The following FAM193A variants were observed in gnomAD, a reference collection of about 807,000 sequenced individuals.
The protein encoded by FAM193A is family with sequence similarity 193 member A, also known as protein FAM193A.
A neutral mutation model predicts 126.5 loss-of-function variants in FAM193A; 22 were observed. That is an observed-to-expected ratio of 0.17 (90% confidence interval 0.12 to 0.25). The LOEUF is 0.25. Ranked by LOEUF, FAM193A falls within the 10% of genes least tolerant of loss-of-function variation. The pLI, the probability that FAM193A is intolerant of heterozygous loss-of-function variation, is 1.00. For missense variants in FAM193A, 1,675 were observed against 1,672.8 expected (o/e 1.00, Z -0.02); for synonymous variants, 761 against 646.8 (o/e 1.18, Z -2.68).
chr4:2,540,670 G>C (rs1316290397), intron 1 of FAM193A, among the ~76,000 whole-genome samples: 2 of 151,044 alleles, frequency 1.3e-5, no homozygotes, highest in Admixed American at 6.6e-5. Flanking sequence ...GAACAAAAAC[G>C]AAAAAACAGG....
At chr4:2,602,353 CTTTTT>C (rs35168097) in intron 2 of FAM193A, among the ~76,000 whole-genome samples, 2 of 128,564 alleles carry the variant, frequency 1.6e-5, no homozygotes, top group Admixed American at 7.9e-5. Flanking sequence ...ATGTTCTGTT[CTTTTT>C]TTTTTTTTTT....
intron 7 of FAM193A, among the ~76,000 whole-genome samples, chr4:2,657,068 T>C (rs1339808002): frequency 6.6e-6 from 1 of 152,152 alleles, no homozygotes; most frequent in Non-Finnish European, 1.5e-5. Flanking sequence ...CTCAGGAGGC[T>C]GAAGCACAAG....
chr4:2,583,824 T>C (rs1171265762), intron 1 of FAM193A, among the ~76,000 whole-genome samples: 1 of 152,186 alleles, frequency 6.6e-6, no homozygotes. Flanking sequence ...ACCACAGCTC[T>C]CCAGCAGGTT....
chr4:2,694,801 C>A, intron 16 of FAM193A, 145 bp from the exon 17 acceptor site: 3 of 631,580 alleles, frequency 4.7e-6, no homozygotes, highest in Non-Finnish European at 7.8e-6. Flanking sequence ...TTGTGTATGA[C>A]TCCCTAGTAA....
intron 7 of FAM193A, among the ~76,000 whole-genome samples, chr4:2,648,543 A>G (rs1745364449): frequency 6.6e-6 from 1 of 152,176 alleles, no homozygotes; most frequent in African/African-American, 2.4e-5. Context: ...GCGACTTCTT[A>G]GCCTGGACTA....
chr4:2,643,263 C>G lies in FAM193A; in HGVS notation c.1163+3404C>G, dbSNP rs543871335. On this transcript the variant is annotated intron_variant, in intron 6 of 20. Coordinates refer to ENST00000637812, the MANE Select transcript of FAM193A (RefSeq NM_001366318.2). ...GATTTGCATTGCTAATGTACAGATACGCATTTAACAATTCATAAAAATTTT... is the reference window on the plus strand; with the variant it reads ...GATTTGCATTGCTAATGTACAGATAGGCATTTAACAATTCATAAAAATTTT... 3.9e-5 allele frequency among the ~76,000 whole-genome samples: 6 copies of G among 152,256 alleles called. No individual in the cohort carries two copies. The South Asian group carries it at 1.2e-3, about 32-fold the overall frequency.
intron 4 of FAM193A, among the ~76,000 whole-genome samples, chr4:2,628,299 G>C (rs890491054): frequency 1.3e-5 from 2 of 152,160 alleles, no homozygotes; most frequent in African/African-American, 4.8e-5. Context: ...TTCAGGGTTT[G>C]ACCTGTGAGC....
intron 1 of FAM193A, among the ~76,000 whole-genome samples, chr4:2,565,546 G>T (rs371852803): frequency 2.0e-5 from 3 of 152,090 alleles, no homozygotes; most frequent in African/African-American, 7.2e-5. Flanking sequence ...GTGAGCCACC[G>T]TGCTCAGCCA....
intron 15 of FAM193A, among the ~76,000 whole-genome samples, chr4:2,691,491 C>T (rs1716372669): frequency 6.6e-6 from 1 of 152,186 alleles, no homozygotes; most frequent in African/African-American, 2.4e-5. Context: ...TAGGAAAATG[C>T]TGAGCAGATG....
intron 19 of FAM193A, among the ~76,000 whole-genome samples, chr4:2,706,240 G>T (rs1486216946): frequency 6.7e-6 from 1 of 148,592 alleles, no homozygotes; most frequent in Non-Finnish European, 1.5e-5. Context: ...AAATCATCTT[G>T]TCCCAGTGAT....
chr4:2,582,079 G>A (rs990313366), intron 1 of FAM193A, among the ~76,000 whole-genome samples: 1 of 152,074 alleles, frequency 6.6e-6, no homozygotes, highest in Non-Finnish European at 1.5e-5. Context: ...CAAGAATCCT[G>A]CTGTAATTGT....
rs115796188 is a variant in FAM193A at position 2,626,642 on chromosome 4, C to A, written c.803+65C>A. On this transcript the variant is annotated intron_variant, in intron 4 of 20. Coordinates refer to ENST00000637812, the MANE Select transcript of FAM193A (RefSeq NM_001366318.2). ...CCTGCCCTCCCTGCTGCACTTGGAG[C>A]CACTCCTTTCAGGATGGGCTTTCCT... is the stretch of plus-strand genomic sequence containing the variant. 8.7e-3 allele frequency: 5,709 copies of A among 654,492 alleles called. 95 individuals carry two copies. The highest frequency in any genetic ancestry group is 0.051 in the African/African-American group (2,898 of 56,588). 40.5% of individuals were successfully genotyped at this position (654,492 alleles called of 1,614,324 possible). A position where few individuals can be genotyped will look rare whatever the true frequency, so the allele number is the denominator to read the frequency against.
At chr4:2,625,719 CTTTTTTTTTT>C (rs35220520) in intron 3 of FAM193A, among the ~76,000 whole-genome samples, 2 of 79,316 alleles carry the variant, frequency 2.5e-5, no homozygotes, top group Non-Finnish European at 4.5e-5. Flanking sequence ...TGGAGCTCAT[CTTTTTTTTTT>C]TTTTTTTTTT....
At chr4:2,658,336 A>G (rs1711963153) in intron 8 of FAM193A, among the ~76,000 whole-genome samples, 2 of 152,126 alleles carry the variant, frequency 1.3e-5, no homozygotes, top group African/African-American at 4.8e-5. Flanking sequence ...CATGCCTTCA[A>G]CATGGCAGCT....
intron 1 of FAM193A, among the ~76,000 whole-genome samples, chr4:2,551,126 C>G (rs1737897448): frequency 6.6e-6 from 1 of 152,102 alleles, no homozygotes; most frequent in South Asian, 2.1e-4. Flanking sequence ...GACTTAAATT[C>G]ACTAAATTTT....
intron 13 of FAM193A, among the ~76,000 whole-genome samples, chr4:2,679,608 C>T (rs1345927950): frequency 6.6e-6 from 1 of 151,764 alleles, no homozygotes; most frequent in Non-Finnish European, 1.5e-5. Flanking sequence ...GAACTCCCGA[C>T]CTCAGGTGAT....
chr4:2,672,073 C>G, intron 12 of FAM193A, 48 bp from the exon 13 acceptor site: 1 of 1,597,418 alleles, frequency 6.3e-7, no homozygotes, highest in Non-Finnish European at 8.6e-7. Context: ...TTAATTCATA[C>G]CATTTATTGT....
chr4:2,642,729 C>T (rs139144343), intron 6 of FAM193A, among the ~76,000 whole-genome samples: 373 of 149,782 alleles, frequency 2.5e-3, no homozygotes, highest in African/African-American at 8.2e-3. Flanking sequence ...ATAAAACTCC[C>T]ATCTTTTTTT....
intron 19 of FAM193A, among the ~76,000 whole-genome samples, chr4:2,701,827 A>G (rs1717766977): frequency 6.7e-6 from 1 of 149,284 alleles, no homozygotes; most frequent in African/African-American, 2.5e-5. Context: ...TCCAGGCTGG[A>G]GTGCAGTGGC....
Sources: gnomAD v4.1 joint callset for allele counts (sites outside exome capture counted in the v4.1 genomes callset) on GRCh38, gnomAD v4.1.1 for gene constraint, MANE v1.5 for transcripts, NCBI Gene and HGNC (gene_info 2026-07-23, HGNC 2026-07-21) for gene names.